MAP3K19: variants seen among roughly 807,000 people sequenced by gnomAD.
MAP3K19 encodes the protein mitogen-activated protein kinase kinase kinase 19, also known as SPS1/STE20-related protein kinase YSK4.
Under a neutral mutation model 114.4 loss-of-function variants are expected in MAP3K19, and 91 were observed. That is an observed-to-expected ratio of 0.80 (90% CI 0.67 to 0.95). The LOEUF (loss-of-function observed/expected upper bound fraction) is 0.95, where lower values mean the gene tolerates loss of function less well. Among genes scored for constraint, MAP3K19 ranks in the 40% least tolerant of loss-of-function variants. MAP3K19 has a pLI of 0.00. For missense variants in MAP3K19, 1,471 were observed against 1,573.2 expected (o/e 0.94, Z 1.10); for synonymous variants, 518 against 530.5 (o/e 0.98, Z 0.32).
chr2:135,044,432 A>C (rs1688700479), intron 1 of MAP3K19, among the ~76,000 whole-genome samples: 1 of 152,170 alleles, frequency 6.6e-6, no homozygotes, highest in Non-Finnish European at 1.5e-5. Flanking sequence ...CTGTACTAAA[A>C]ATACAAAATT....
intron 6 of MAP3K19, among the ~76,000 whole-genome samples, chr2:135,004,883 A>C (rs1342556593): frequency 6.6e-6 from 1 of 152,174 alleles, no homozygotes; most frequent in Non-Finnish European, 1.5e-5. Flanking sequence ...TGGTTCCGGA[A>C]GGGAACCGAT....
chr2:135,046,778 TC>T (rs1688755027), intron 1 of MAP3K19, among the ~76,000 whole-genome samples: 1 of 152,256 alleles, frequency 6.6e-6, no homozygotes, highest in Non-Finnish European at 1.5e-5. Flanking sequence ...AACAGAAATC[TC>T]ATTTCATGTT....
At chr2:135,010,731 G>T (rs1311469965) in intron 5 of MAP3K19, among the ~76,000 whole-genome samples, 1 of 152,126 alleles carries the variant, frequency 6.6e-6, no homozygotes, top group Non-Finnish European at 1.5e-5. Flanking sequence ...GTGTTCAAGT[G>T]GTTCTCCCAC....
At position 134,981,468 on chromosome 2, in the gene MAP3K19, C is replaced by T. The variant is rs751138453; in HGVS notation, c.3273G>A (p.Val1091=). The T allele has an allele frequency of 1.1e-5, 18 of 1,614,058 alleles. No homozygotes were observed. The Admixed American group carries it at 3.0e-4, about 27-fold the overall frequency. ...SQGQLIAVKQ[V]ALDTSNKLAA... is the part of the protein sequence containing the mutation. ...CTAATTTATTAGAGGTATCCAAAGCCACCTGTTTTACAGCTATTAGCTGTC... is the reference window on the plus strand; with the variant it reads ...CTAATTTATTAGAGGTATCCAAAGCTACCTGTTTTACAGCTATTAGCTGTC... Residue 1091 remains valine (V), a synonymous_variant, in exon 12 of 13, where the codon GTG becomes GTA. Coordinates refer to ENST00000392915, the MANE Select transcript of MAP3K19 (RefSeq NM_025052.5).
In MAP3K19 at chr2:134,974,927, G is replaced by A. The variant is rs73959228; in HGVS notation, c.3920+5894C>T. Among the ~76,000 whole-genome samples the A allele has an allele frequency of 6.7e-3, 1,017 of 152,330 alleles. 6 individuals are homozygous for A. The highest frequency in any genetic ancestry group is 0.023 in the African/African-American group (943 of 41,570). ...GCTTTAGCTTTGATCCTGGGTGTAT[G>A]CAGTAGTGTGGTCTTAGTATAATTT... On this transcript the variant is annotated intron_variant, in intron 12 of 12. Transcript: ENST00000392915.
chr2:135,005,389 T>C, intron 6 of MAP3K19, 46 bp downstream of exon 6: 1 of 1,384,892 alleles, frequency 7.2e-7, no homozygotes, highest in Non-Finnish European at 1.0e-6. Flanking sequence ...GAAGCCCATA[T>C]GATAATGTTA....
rs572952901 is a variant in MAP3K19 at position 135,003,439 on chromosome 2, T to C, written c.235+1996A>G. ...TGAATTAAAATATTTTTAAGCCCATTAGTTTTAGGGAATAGGCTCTCTTGT... is the reference window on the plus strand; with the variant it reads ...TGAATTAAAATATTTTTAAGCCCATCAGTTTTAGGGAATAGGCTCTCTTGT... On this transcript the variant is annotated intron_variant, in intron 6 of 12. Transcript: ENST00000392915. Among the ~76,000 whole-genome samples, 6 of 152,308 alleles carry C rather than the reference T, an allele frequency of 3.9e-5. No individual in the cohort carries two copies. The East Asian group carries it at 1.2e-3, about 29-fold the overall frequency.
chr2:134,969,322 G>A (rs1036574449), intron 12 of MAP3K19, among the ~76,000 whole-genome samples: 1 of 152,144 alleles, frequency 6.6e-6, no homozygotes, highest in East Asian at 1.9e-4. Context: ...GCTTCAGCTC[G>A]GCATCAGAGG....
intron 5 of MAP3K19, among the ~76,000 whole-genome samples, chr2:135,012,353 C>T (rs1458929086): frequency 6.6e-6 from 1 of 152,116 alleles, no homozygotes; most frequent in East Asian, 1.9e-4. Flanking sequence ...GAATCACTCC[C>T]TTGTTGGGAA....
At chr2:135,015,931 A>G (rs1355717064) in intron 5 of MAP3K19, among the ~76,000 whole-genome samples, 1 of 152,080 alleles carries the variant, frequency 6.6e-6, no homozygotes, top group African/African-American at 2.4e-5. Flanking sequence ...CCAAGGTCAC[A>G]AAGATTTTCT....
chr2:135,040,050 T>C (rs1275460576), intron 2 of MAP3K19, among the ~76,000 whole-genome samples: 3 of 152,142 alleles, frequency 2.0e-5, no homozygotes, highest in Non-Finnish European at 1.5e-5. Context: ...ACTGATGGAG[T>C]TGAGGGTCCA....
At chr2:134,989,979 G>A (rs1264132320) in intron 9 of MAP3K19, among the ~76,000 whole-genome samples, 2 of 152,000 alleles carry the variant, frequency 1.3e-5, no homozygotes, top group Admixed American at 6.6e-5. Context: ...CTACTCAGGA[G>A]GCTGAGGCAG....
chr2:134,990,199 AG>A (rs1685461302), intron 9 of MAP3K19, among the ~76,000 whole-genome samples: 1 of 152,170 alleles, frequency 6.6e-6, no homozygotes, highest in East Asian at 1.9e-4. Flanking sequence ...TTGCTACTCT[AG>A]GAACTATATG....
chr2:134,965,598 T>C (rs571267450), intron 12 of MAP3K19, among the ~76,000 whole-genome samples: 1 of 152,268 alleles, frequency 6.6e-6, no homozygotes, highest in East Asian at 1.9e-4. Context: ...AAATTGGCCA[T>C]CTTTTGATTT....
intron 6 of MAP3K19, among the ~76,000 whole-genome samples, chr2:135,001,278 G>T (rs1330683205): frequency 6.6e-6 from 1 of 152,148 alleles, no homozygotes; most frequent in Non-Finnish European, 1.5e-5. Context: ...TTTCTCAAAG[G>T]AGACAACTTG....
Position 134,986,235 on chromosome 2 carries a change from A to C in MAP3K19, c.2637T>G (p.Ser879Arg). ...TTAAAATTCGGCTGGCATTTACTTT[A>C]CTAAGAGATGCTGTATTCTGCTTTT... ...QQEKQNTASL[S>R]KVNASRILTN... The change falls in exon 10 of 13, where the codon AGT becomes AGG. Residue 879 changes from serine to arginine, a missense_variant. Transcript: ENST00000392915. 6.2e-7 allele frequency: 1 copy of C among 1,614,040 alleles called. No homozygotes were observed.
rs113279230 is a variant in MAP3K19, at chr2:134,995,951, C to CTT, written c.574+2785_574+2786dup. Among the ~76,000 whole-genome samples, 182 of 149,316 alleles carry CTT rather than the reference C, an allele frequency of 1.2e-3. 1 individual carries two copies. Among genetic ancestry groups the CTT allele is most frequent in the African/African-American group, 3.8e-3 (156 of 40,778 alleles). On this transcript the variant is annotated intron_variant, in intron 8 of 12. Coordinates refer to ENST00000392915, the MANE Select transcript of MAP3K19 (RefSeq NM_025052.5). The stretch of plus-strand genomic sequence containing the variant: ...AGAAGAAAGTCTTGTACTAGCTGTA[C>CTT]TTTTTTTTTTAAGAGATGAGGTCTG...
At chr2:135,021,070 G>A (rs1437347831) in intron 5 of MAP3K19, among the ~76,000 whole-genome samples, 1 of 151,994 alleles carries the variant, frequency 6.6e-6, no homozygotes, top group Non-Finnish European at 1.5e-5. Context: ...ATATTCTGTG[G>A]TACTGGAGAC....
intron 1 of MAP3K19, among the ~76,000 whole-genome samples, chr2:135,045,614 C>A (rs1283746278): frequency 1.3e-5 from 2 of 152,086 alleles, no homozygotes; most frequent in African/African-American, 4.8e-5. Flanking sequence ...ACATTTTTCC[C>A]CCAAGGTTAT....
Sources: gnomAD v4.1 joint callset for allele counts (sites outside exome capture counted in the v4.1 genomes callset) on GRCh38, gnomAD v4.1.1 for gene constraint, MANE v1.5 for transcripts, NCBI Gene and HGNC (gene_info 2026-07-23, HGNC 2026-07-21) for gene names.